The following DPP8 variants were observed in gnomAD, a reference collection of about 807,000 sequenced individuals.
The protein encoded by DPP8 is DPP VIII.
A neutral mutation model predicts 107.5 loss-of-function variants in DPP8; 31 were observed. The observed-to-expected ratio is 0.29, with a 90% confidence interval of 0.22 to 0.39. The LOEUF is 0.39. Ranked by LOEUF, DPP8 falls within the 10% of genes least tolerant of loss-of-function variation. The probability of loss-of-function intolerance (pLI) is 1.00; values close to 1 mark genes in which losing one functional copy is unlikely to be tolerated. For synonymous variants in DPP8, 381 were observed against 356.6 expected, an observed-to-expected ratio of 1.07 and a Z score of -0.77; for missense variants, 842 against 1,076.1, an observed-to-expected ratio of 0.78 and a Z score of 3.04.
At chr15:65,505,949 CA>C (rs369806063) in intron 3 of DPP8, among the ~76,000 whole-genome samples, 15 of 128,646 alleles carry the variant, frequency 1.2e-4, no homozygotes, top group South Asian at 2.5e-4. Flanking sequence ...GACTGTGTCT[CA>C]AAAAAAAAAA....
chr15:65,507,202 T>C, intron 3 of DPP8, 41 bp downstream of exon 3: 1 of 1,184,132 alleles, frequency 8.4e-7, no homozygotes, highest in East Asian at 2.4e-5. Flanking sequence ...AGTATCTGAA[T>C]ACATACACCA....
chr15:65,470,605 C>CA (rs3082806), intron 12 of DPP8, among the ~76,000 whole-genome samples: 49,967 of 104,696 alleles, frequency 0.48, 10,773 homozygotes, highest in East Asian at 0.76. Flanking sequence ...AGACTTGTCT[C>CA]AAAAAAAAAA....
chr15:65,500,045 A>G (rs1248786547), intron 4 of DPP8, among the ~76,000 whole-genome samples: 3 of 152,108 alleles, frequency 2.0e-5, no homozygotes, highest in African/African-American at 4.8e-5. Context: ...AAAGGTGTGC[A>G]CCACCATGCC....
rs1043274267 is a variant in DPP8 at position 65,443,383 on chromosome 15, T to A, written c.*3501A>T. The A allele has an allele frequency of 2.0e-5, 3 of 152,014 alleles. No homozygotes were observed. The highest frequency in any genetic ancestry group is 7.3e-5 in the African/African-American group (3 of 41,360). 9.4% of individuals were successfully genotyped at this position (152,014 alleles called of 1,614,324 possible). A position where few individuals can be genotyped will look rare whatever the true frequency, so the allele number is the denominator to read the frequency against. On this transcript the variant is annotated 3_prime_UTR_variant, in exon 20 of 20. Transcript: ENST00000300141. ...ATTAAATCAAATATTGATTCCATCT[T>A]GAAAAATGCATGATTTAATAATGAG...
chr15:65,496,816 AT>A lies in DPP8; in HGVS notation c.715+1047del, dbSNP rs1185461247. ...CTGGCACGTGCCACCACATCCAGCT[AT>A]TTTTTTTTTTTTTGGTAGAGACAAT... is the stretch of plus-strand genomic sequence containing the variant. On this transcript the variant is annotated intron_variant, in intron 5 of 19. Transcript: ENST00000300141. Among the ~76,000 whole-genome samples, 808 of 138,596 alleles carry A rather than the reference AT, an allele frequency of 5.8e-3. 1 individual carries two copies. Among genetic ancestry groups the A allele is most frequent in the African/African-American group, 0.012 (454 of 38,174 alleles). The allele number at this position is 138,596 out of a possible 152,430, so 90.9% of individuals were successfully genotyped here.
At chr15:65,500,852 G>A in intron 3 of DPP8, 73 bp from the exon 4 acceptor site, 2 of 767,562 alleles carry the variant, frequency 2.6e-6, no homozygotes. Context: ...TGAAATCCTA[G>A]AATCTCCAAC....
chr15:65,490,989 C>G (rs945044370), intron 5 of DPP8, among the ~76,000 whole-genome samples: 1 of 151,874 alleles, frequency 6.6e-6, no homozygotes, highest in African/African-American at 2.4e-5. Flanking sequence ...GAAACTCTGT[C>G]TCTACTAAAA....
chr15:65,502,454 G>T (rs1367273118), intron 3 of DPP8, among the ~76,000 whole-genome samples: 4 of 152,078 alleles, frequency 2.6e-5, no homozygotes, highest in Non-Finnish European at 4.4e-5. Flanking sequence ...AAGGCAGGTG[G>T]ATCACCCGTG....
rs1249268427 is a variant in DPP8 at position 65,443,278 on chromosome 15, G to GCT, written c.*3604_*3605dup. 1 of 152,142 alleles carries GCT rather than the reference G, an allele frequency of 6.6e-6. No homozygotes were observed. The highest frequency in any genetic ancestry group is 1.5e-5 in the Non-Finnish European group (1 of 68,026). 9.4% of individuals were successfully genotyped at this position (152,142 alleles called of 1,614,324 possible). ...TCCAGCACCAACTGGATACTAACTG[G>GCT]CTGTGTGGTCGTGGGTATATTTCCT... is the stretch of plus-strand genomic sequence containing the variant. On this transcript the variant is annotated 3_prime_UTR_variant, in exon 20 of 20. Transcript: ENST00000300141.
intron 12 of DPP8, among the ~76,000 whole-genome samples, chr15:65,469,134 CCT>C (rs1280105427): frequency 6.6e-6 from 1 of 151,996 alleles, no homozygotes; most frequent in African/African-American, 2.4e-5. Context: ...TACCACCACG[CCT>C]GGCTAATTTT....
chr15:65,452,721 C>T, intron 17 of DPP8, among the ~76,000 whole-genome samples: 1 of 152,184 alleles, frequency 6.6e-6, no homozygotes, highest in South Asian at 2.1e-4. Context: ...CCTGTAATCC[C>T]AGCACTTTGG....
chr15:65,503,022 G>C (rs1196429646), intron 3 of DPP8, among the ~76,000 whole-genome samples: 1 of 152,120 alleles, frequency 6.6e-6, no homozygotes, highest in Non-Finnish European at 1.5e-5. Context: ...CTTTTTTCCA[G>C]ATATAGACAA....
At chr15:65,508,199 C>A (rs139947363) in intron 2 of DPP8, among the ~76,000 whole-genome samples, 1,704 of 151,892 alleles carry the variant, frequency 0.011, 23 homozygotes, top group South Asian at 0.047. Context: ...GAGATCACAC[C>A]ACTGCACTCT....
At chr15:65,478,731 A>C (rs1472973962) in intron 11 of DPP8, 149 bp downstream of exon 11, 1 of 565,922 alleles carries the variant, frequency 1.8e-6, no homozygotes, top group East Asian at 3.3e-5. Context: ...TTACACATAC[A>C]TGTATTTATG....
intron 6 of DPP8, 130 bp downstream of exon 6, chr15:65,490,059 A>G (rs112964587): frequency 2.8e-5 from 18 of 634,306 alleles, no homozygotes; most frequent in African/African-American, 2.2e-4. Flanking sequence ...TGAATCAATC[A>G]TCATCACTTT....
At chr15:65,484,388 G>A (rs2067209566) in intron 8 of DPP8, among the ~76,000 whole-genome samples, 4 of 151,830 alleles carry the variant, frequency 2.6e-5, no homozygotes. Context: ...TGACGGCTCA[G>A]GAGTATAGGG....
rs1158881194 is a variant in DPP8 at position 65,447,001 on chromosome 15, A to G, written c.2532T>C (p.Tyr844=). 1 of 1,576,462 alleles carries G rather than the reference A, an allele frequency of 6.3e-7. No homozygotes were observed. The highest frequency in any genetic ancestry group is 8.6e-7 in the Non-Finnish European group (1 of 1,166,276). Residue 844 remains tyrosine (Y), a synonymous_variant, in exon 20 of 20, where the codon TAT becomes TAC. Coordinates refer to ENST00000300141, the MANE Select transcript of DPP8 (RefSeq NM_130434.5). The part of the protein sequence containing the change: ...RAGKPYDLQI[Y]PQERHSIRVP... ...CTCTTATGCTGTGTCTCTCCTGAGG[A>G]TAGATCTTACCAACAACAAAAAATA...
chr15:65,510,288 C>A (rs2070597168), intron 2 of DPP8, among the ~76,000 whole-genome samples: 1 of 151,994 alleles, frequency 6.6e-6, no homozygotes, highest in Non-Finnish European at 1.5e-5. Flanking sequence ...TGTACTCCAG[C>A]CTAGAAGACT....
intron 14 of DPP8, among the ~76,000 whole-genome samples, chr15:65,466,233 G>A (rs1220017216): frequency 6.6e-6 from 1 of 152,092 alleles, no homozygotes; most frequent in Non-Finnish European, 1.5e-5. Flanking sequence ...CCGCCTCCCA[G>A]CTTCAAGTGA....
Sources: allele counts gnomAD v4.1 joint callset (sites outside exome capture counted in the v4.1 genomes callset), GRCh38; gene constraint gnomAD v4.1.1; transcripts MANE v1.5; gene names NCBI Gene and HGNC (gene_info 2026-07-23, HGNC 2026-07-21).